The following MACROD2 variants were observed in gnomAD, a reference collection of about 807,000 sequenced individuals.
MACROD2 encodes mono-ADP ribosylhydrolase 2, also known as ADP-ribose glycohydrolase MACROD2.
A neutral mutation model predicts 70.4 loss-of-function variants in MACROD2; 36 were observed. The observed-to-expected ratio is 0.51, with a 90% CI of 0.39 to 0.68. The LOEUF (loss-of-function observed/expected upper bound fraction) is 0.68, where lower values mean the gene tolerates loss of function less well. Ranked by LOEUF, MACROD2 falls within the 30% of genes least tolerant of loss-of-function variation. The probability of loss-of-function intolerance (pLI) is 0.00; values close to 1 mark genes in which losing one functional copy is unlikely to be tolerated. For synonymous variants in MACROD2, 172 were observed against 178.8 expected (o/e 0.96, Z 0.30); for missense variants, 496 against 538.4 (o/e 0.92, Z 0.78).
chr20:15,545,394 C>A (rs752216778), intron 8 of MACROD2, among the ~76,000 whole-genome samples: 8 of 152,076 alleles, frequency 5.3e-5, no homozygotes, highest in Non-Finnish European at 1.0e-4. Context: ...CATATTTAGT[C>A]CTAATTTCTT....
chr20:15,496,705 G>C (rs1214620253), intron 7 of MACROD2, among the ~76,000 whole-genome samples: 1 of 152,220 alleles, frequency 6.6e-6, no homozygotes, highest in Non-Finnish European at 1.5e-5. Flanking sequence ...ATAAATAAGA[G>C]AAGACTGAGA....
intron 8 of MACROD2, among the ~76,000 whole-genome samples, chr20:15,833,871 G>A (rs953240788): frequency 7.9e-5 from 12 of 152,130 alleles, no homozygotes; most frequent in African/African-American, 2.7e-4. Flanking sequence ...TCATCCTTGA[G>A]TCACTCACTC....
intron 2 of MACROD2, among the ~76,000 whole-genome samples, chr20:14,020,385 A>G (rs2053058576): frequency 6.6e-6 from 1 of 152,154 alleles, no homozygotes; most frequent in African/African-American, 2.4e-5. Context: ...AGGCAGGGGA[A>G]TCACTTGAAC....
intron 3 of MACROD2, among the ~76,000 whole-genome samples, chr20:14,254,626 C>T (rs932066039): frequency 2.2e-4 from 33 of 152,062 alleles, no homozygotes; most frequent in African/African-American, 7.2e-4. Context: ...AACATTTCCA[C>T]GAAATAGTTT....
chr20:15,647,370 A>G (rs1188606570), intron 8 of MACROD2, among the ~76,000 whole-genome samples: 1 of 152,110 alleles, frequency 6.6e-6, no homozygotes, highest in East Asian at 1.9e-4. Flanking sequence ...AGTTACAAAC[A>G]GCTTGGTTCT....
chr20:14,732,655 G>C (rs974165137), intron 5 of MACROD2, among the ~76,000 whole-genome samples: 29 of 152,110 alleles, frequency 1.9e-4, no homozygotes, highest in African/African-American at 7.0e-4. Context: ...TTGTCCTTCT[G>C]ATTGCTTTGC....
At chr20:15,367,757 T>C (rs754971181) in intron 6 of MACROD2, among the ~76,000 whole-genome samples, 39 of 152,210 alleles carry the variant, frequency 2.6e-4, no homozygotes, top group Admixed American at 5.9e-4. Flanking sequence ...CATTCCCTTA[T>C]GTCCACGAAG....
chr20:15,766,929 C>A (rs767326322), intron 8 of MACROD2, among the ~76,000 whole-genome samples: 1 of 152,144 alleles, frequency 6.6e-6, no homozygotes, highest in Non-Finnish European at 1.5e-5. Flanking sequence ...AGCCAGAGGG[C>A]GAGCCCCCTT....
intron 7 of MACROD2, among the ~76,000 whole-genome samples, chr20:15,495,346 A>G (rs1333528237): frequency 1.3e-5 from 2 of 152,178 alleles, no homozygotes; most frequent in Admixed American, 1.3e-4. Context: ...TGTCCACTGA[A>G]AGCAGGCATA....
At chr20:15,801,831 A>T (rs2063729052) in intron 8 of MACROD2, among the ~76,000 whole-genome samples, 1 of 152,094 alleles carries the variant, frequency 6.6e-6, no homozygotes. Context: ...TGATTCATGA[A>T]CAGGGGATGT....
At chr20:14,423,839 C>T (rs868730677) in intron 3 of MACROD2, among the ~76,000 whole-genome samples, 1 of 143,500 alleles carries the variant, frequency 7.0e-6, no homozygotes, top group South Asian at 2.2e-4. Flanking sequence ...CTCGGCTCAC[C>T]GCAACCTTCG....
chr20:15,128,456 AT>A (rs1009363769), intron 5 of MACROD2, among the ~76,000 whole-genome samples: 1 of 152,038 alleles, frequency 6.6e-6, no homozygotes, highest in Non-Finnish European at 1.5e-5. Flanking sequence ...GTTCTTTAGT[AT>A]TTTCCCTGGA....
At chr20:14,684,652 C>G (rs59467727) in intron 4 of MACROD2, among the ~76,000 whole-genome samples, 191 bp from the exon 5 acceptor site, 7 of 135,806 alleles carry the variant, frequency 5.2e-5, no homozygotes, top group African/African-American at 1.8e-4. Context: ...AACCTCACCC[C>G]CCCCCCCCGG....
At chr20:14,602,248 A>G (rs920668119) in intron 4 of MACROD2, among the ~76,000 whole-genome samples, 1 of 152,222 alleles carries the variant, frequency 6.6e-6, no homozygotes. Flanking sequence ...CCTCCCTTGC[A>G]TGAGGCACAA....
At chr20:15,903,610 A>G (rs1289138999) in intron 10 of MACROD2, among the ~76,000 whole-genome samples, 5 of 152,228 alleles carry the variant, frequency 3.3e-5, no homozygotes, top group Non-Finnish European at 5.9e-5. Context: ...TTCACGTCCA[A>G]TAATCTTCCA....
At chr20:14,912,935 G>C (rs1480569964) in intron 5 of MACROD2, among the ~76,000 whole-genome samples, 1 of 152,142 alleles carries the variant, frequency 6.6e-6, no homozygotes, top group Non-Finnish European at 1.5e-5. Flanking sequence ...ATGGCTTTGG[G>C]CTTGCAGTTG....
At chr20:15,898,695 G>A (rs763371263) in intron 10 of MACROD2, among the ~76,000 whole-genome samples, 6 of 151,978 alleles carry the variant, frequency 3.9e-5, no homozygotes, top group Admixed American at 6.6e-5. Context: ...TTGTTCTTGA[G>A]TCTAGGTTAC....
At chr20:14,118,860 T>C (rs1453479335) in intron 3 of MACROD2, among the ~76,000 whole-genome samples, 3 of 150,706 alleles carry the variant, frequency 2.0e-5, no homozygotes, top group African/African-American at 7.3e-5. Flanking sequence ...TTTTTTTTTT[T>C]TTTTAGACAG....
intron 3 of MACROD2, among the ~76,000 whole-genome samples, chr20:14,367,211 GATA>G (rs2083280915): frequency 6.6e-6 from 1 of 151,962 alleles, no homozygotes; most frequent in South Asian, 2.1e-4. Flanking sequence ...TGTTTTTATA[GATA>G]ACATCTTTAT....
Sources: allele counts gnomAD v4.1 joint callset (sites outside exome capture counted in the v4.1 genomes callset), GRCh38; gene constraint gnomAD v4.1.1; transcripts MANE v1.5; gene names NCBI Gene and HGNC (gene_info 2026-07-23, HGNC 2026-07-21).